The following TNS3 variants were observed in gnomAD, a reference collection of about 807,000 sequenced individuals.
TNS3 encodes tensin 3, also known as tensin-3.
TNS3 carries 45 observed loss-of-function variants against 140.9 expected under a neutral mutation model. The observed-to-expected ratio is 0.32, with a 90% CI of 0.25 to 0.41. The LOEUF (loss-of-function observed/expected upper bound fraction) is 0.41. TNS3 is among the 10% of genes least tolerant of loss of function. The probability of loss-of-function intolerance (pLI) is 1.00; values close to 1 mark genes in which losing one functional copy is unlikely to be tolerated. For synonymous variants in TNS3, 815 were observed against 788.4 expected (o/e 1.03, Z -0.56); for missense variants, 1,716 against 1,906.7 (o/e 0.90, Z 1.86).
intron 10 of TNS3, among the ~76,000 whole-genome samples, chr7:47,423,644 C>T (rs964587785): frequency 2.6e-5 from 4 of 152,216 alleles, no homozygotes; most frequent in African/African-American, 9.7e-5. Context: ...AGCCACATTC[C>T]CTGATTTCCA....
intron 28 of TNS3, among the ~76,000 whole-genome samples, chr7:47,280,933 A>G (rs889198410): frequency 1.8e-4 from 28 of 151,424 alleles, no homozygotes; most frequent in African/African-American, 5.6e-4. Context: ...AAGCCCTAAC[A>G]AACTGGAAAA....
intron 2 of TNS3, among the ~76,000 whole-genome samples, chr7:47,521,352 G>A (rs11977711): frequency 0.25 from 38,271 of 152,148 alleles, 5,213 homozygotes; most frequent in South Asian, 0.42. Context: ...CGTGGGCATC[G>A]CAATGCACCA....
intron 4 of TNS3, among the ~76,000 whole-genome samples, chr7:47,479,160 T>C (rs1797317033): frequency 1.3e-5 from 2 of 152,170 alleles, no homozygotes. Flanking sequence ...GATGGGCCCT[T>C]TGGGCTCTGG....
intron 27 of TNS3, among the ~76,000 whole-genome samples, chr7:47,286,551 C>A (rs545493025): frequency 2.0e-5 from 3 of 152,226 alleles, no homozygotes; most frequent in African/African-American, 7.2e-5. Context: ...GTAAGAGTTA[C>A]CAGGAAGGCA....
At position 47,308,143 on chromosome 7, in the gene TNS3, T is replaced by G. The variant is rs115480634; in HGVS notation, c.2651-3140A>C. Among the ~76,000 whole-genome samples the G allele has an allele frequency of 5.5e-3, 832 of 152,340 alleles. 9 individuals carry two copies. The highest frequency in any genetic ancestry group is 0.019 in the African/African-American group (778 of 41,568). On this transcript the variant is annotated intron_variant, in intron 20 of 30. Transcript: ENST00000311160. The stretch of plus-strand genomic sequence containing the variant: ...TTACACATGGTGTGAGGCATATATA[T>G]CAACAAAGTTTAGTTTTTTAAATAT...
intron 20 of TNS3, among the ~76,000 whole-genome samples, chr7:47,325,122 G>A (rs1190328848): frequency 6.6e-6 from 1 of 151,938 alleles, no homozygotes; most frequent in African/African-American, 2.4e-5. Context: ...GCACAAAGAG[G>A]GGTTCCCAAG....
At chr7:47,401,239 C>G (rs1793145417) in intron 13 of TNS3, among the ~76,000 whole-genome samples, 1 of 152,356 alleles carries the variant, frequency 6.6e-6, no homozygotes, top group East Asian at 1.9e-4. Flanking sequence ...CCCTTTCAGA[C>G]CACGTGAATG....
intron 1 of TNS3, among the ~76,000 whole-genome samples, chr7:47,537,055 G>A (rs2151956839): frequency 6.6e-6 from 1 of 151,868 alleles, no homozygotes. Context: ...GCGCGACCGG[G>A]TTCCGCGCGC....
intron 1 of TNS3, among the ~76,000 whole-genome samples, chr7:47,538,232 C>T (rs576594776): frequency 1.4e-4 from 22 of 152,070 alleles, no homozygotes; most frequent in Non-Finnish European, 2.8e-4. Flanking sequence ...CCAGCCTTCC[C>T]GGGGCAGTGG....
At chr7:47,418,910 T>C (rs1011518270) in intron 10 of TNS3, among the ~76,000 whole-genome samples, 5 of 152,250 alleles carry the variant, frequency 3.3e-5, no homozygotes, top group African/African-American at 1.2e-4. Flanking sequence ...ACAGGAACCA[T>C]CGTCACAGGA....
chr7:47,411,333 T>C (rs1793754315), intron 13 of TNS3, among the ~76,000 whole-genome samples: 1 of 152,228 alleles, frequency 6.6e-6, no homozygotes. Context: ...GAAGATGATT[T>C]TTCCATGGAC....
intron 10 of TNS3, among the ~76,000 whole-genome samples, chr7:47,422,813 C>G (rs1794446001): frequency 6.6e-6 from 1 of 151,114 alleles, no homozygotes; most frequent in African/African-American, 2.4e-5. Context: ...TGCAGGAGGT[C>G]ATATGAATGT....
At position 47,361,258 on chromosome 7, in the gene TNS3, G is replaced by A. The variant is rs946265645; in HGVS notation, c.2281+7107C>T. On this transcript the variant is annotated intron_variant, in intron 17 of 30. Coordinates refer to ENST00000311160, the MANE Select transcript of TNS3 (RefSeq NM_022748.12). ...GGCCCAGCCCAAGACCCCAAGGCTC[G>A]CCTCTGCCCTCAGGGAAGAGCCACA... is the stretch of plus-strand genomic sequence containing the variant. Among the ~76,000 whole-genome samples the A allele has an allele frequency of 1.6e-4, 20 of 125,440 alleles. 1 individual carries two copies. The highest frequency in any genetic ancestry group is 9.3e-3 in the Middle Eastern group (2 of 216). The allele number at this position is 125,440 out of a possible 152,430, so 82.3% of individuals were successfully genotyped here.
chr7:47,295,544 T>C (rs560368052), intron 24 of TNS3, among the ~76,000 whole-genome samples: 2 of 152,220 alleles, frequency 1.3e-5, no homozygotes, highest in Non-Finnish European at 2.9e-5. Flanking sequence ...GGGCTTCTTA[T>C]GCTGGAATTC....
intron 3 of TNS3, among the ~76,000 whole-genome samples, chr7:47,499,886 T>C (rs1304516902): frequency 6.6e-6 from 1 of 152,052 alleles, no homozygotes; most frequent in Non-Finnish European, 1.5e-5. Context: ...TTCTAACAAA[T>C]GTGCTGTTCT....
chr7:47,504,337 G>A (rs1798335595), intron 3 of TNS3, among the ~76,000 whole-genome samples: 1 of 152,198 alleles, frequency 6.6e-6, no homozygotes, highest in Non-Finnish European at 1.5e-5. Flanking sequence ...GGCTCTGAGG[G>A]CCTGGATGGG....
chr7:47,342,482 G>A (rs867452530), intron 20 of TNS3, among the ~76,000 whole-genome samples: 16 of 152,340 alleles, frequency 1.1e-4, no homozygotes, highest in Middle Eastern at 3.4e-3. Flanking sequence ...TAAGGAGGTG[G>A]AGGTTCATAG....
chr7:47,400,540 C>A, intron 14 of TNS3, 82 bp from the exon 15 acceptor site: 2 of 1,427,308 alleles, frequency 1.4e-6, no homozygotes, highest in Non-Finnish European at 2.0e-6. Context: ...TTTATTCCAA[C>A]CAGTACAGCA....
chr7:47,335,717 T>G (rs748678874), intron 20 of TNS3, among the ~76,000 whole-genome samples: 11 of 152,178 alleles, frequency 7.2e-5, no homozygotes, highest in Non-Finnish European at 1.6e-4. Context: ...TGTCCACTAT[T>G]TGCTGAGTGT....
Sources: gnomAD v4.1 joint callset for allele counts (sites outside exome capture counted in the v4.1 genomes callset) on GRCh38, gnomAD v4.1.1 for gene constraint, MANE v1.5 for transcripts, NCBI Gene and HGNC (gene_info 2026-07-23, HGNC 2026-07-21) for gene names.